Variants in ZDHHC21 observed in about 807,000 individuals in gnomAD.
The protein encoded by ZDHHC21 is palmitoyltransferase ZDHHC21.
Under a neutral mutation model 34.6 loss-of-function variants are expected in ZDHHC21, and 15 were observed. The ratio of observed to expected loss-of-function variants is 0.43; its 90% CI spans 0.29 to 0.67. ZDHHC21 has a LOEUF of 0.67. Ranked by LOEUF, ZDHHC21 falls within the 30% of genes least tolerant of loss-of-function variation. The probability of loss-of-function intolerance (pLI) is 0.14; values close to 1 mark genes in which losing one functional copy is unlikely to be tolerated. For synonymous variants in ZDHHC21, 142 were observed against 101.8 expected (o/e 1.40, Z -2.38); for missense variants, 344 against 327.7 (o/e 1.05, Z -0.38).
intron 5 of ZDHHC21, among the ~76,000 whole-genome samples, chr9:14,664,167 C>T (rs1833935374): frequency 6.6e-6 from 1 of 151,742 alleles, no homozygotes; most frequent in South Asian, 2.1e-4. Flanking sequence ...GTGCGCGAGC[C>T]GAAGCAGGGC....
At chr9:14,644,035 C>T (rs1453501834) in intron 7 of ZDHHC21, among the ~76,000 whole-genome samples, 1 of 152,198 alleles carries the variant, frequency 6.6e-6, no homozygotes. Flanking sequence ...ACAACACATA[C>T]TCATGCATAC....
intron 8 of ZDHHC21, among the ~76,000 whole-genome samples, chr9:14,633,503 A>T (rs1380598581): frequency 1.1e-4 from 17 of 152,154 alleles, no homozygotes; most frequent in Admixed American, 1.0e-3. Context: ...GGTCCCGCAC[A>T]GCCTTTGAGC....
intron 7 of ZDHHC21, among the ~76,000 whole-genome samples, chr9:14,650,495 C>A (rs13284901): frequency 0.42 from 62,977 of 151,562 alleles, 13,253 homozygotes; most frequent in African/African-American, 0.45. Flanking sequence ...AAATAAATGA[C>A]CTTCTAGATA....
At chr9:14,595,753 T>C in the ZDHHC21 span, among the ~76,000 whole-genome samples, 1 of 152,148 alleles carries the variant, frequency 6.6e-6, no homozygotes, top group African/African-American at 2.4e-5. Context: ...ACATCTCCAT[T>C]GGCTGCAAAT....
the ZDHHC21 span, among the ~76,000 whole-genome samples, chr9:14,605,824 T>C: frequency 3.3e-5 from 5 of 152,208 alleles, no homozygotes; most frequent in Non-Finnish European, 5.9e-5. Flanking sequence ...TTATGTGTTG[T>C]TAATATTTTG....
rs576185880 is a variant in ZDHHC21, at chr9:14,692,544, C to T, written c.-225+685G>A. 2.6e-3 allele frequency among the ~76,000 whole-genome samples: 394 copies of T among 152,224 alleles called. 3 individuals carry two copies. The highest frequency in any genetic ancestry group is 9.2e-3 in the African/African-American group (382 of 41,550). ...AGCCCTGGTGATACAGACATCCACCCTGACTCTCAAGGGATCTTAAAATGT... is the reference window on the plus strand; with the variant it reads ...AGCCCTGGTGATACAGACATCCACCTTGACTCTCAAGGGATCTTAAAATGT... On this transcript the variant is annotated intron_variant, in intron 1 of 9. Coordinates refer to ENST00000380916, the MANE Select transcript of ZDHHC21 (RefSeq NM_178566.6).
chr9:14,647,566 G>A (rs555521238), intron 7 of ZDHHC21, among the ~76,000 whole-genome samples: 11 of 152,092 alleles, frequency 7.2e-5, no homozygotes, highest in African/African-American at 1.4e-4. Flanking sequence ...CAACCCCGAC[G>A]GGAGCTCCAA....
At chr9:14,685,566 G>A (rs541709844) in intron 2 of ZDHHC21, among the ~76,000 whole-genome samples, 24 of 152,214 alleles carry the variant, frequency 1.6e-4, no homozygotes, top group Admixed American at 3.9e-4. Flanking sequence ...AGGTGCTGGA[G>A]AGGATATGAA....
At position 14,680,091 on chromosome 9, in the gene ZDHHC21, T is replaced by G. The variant is rs1837106453; in HGVS notation, c.-104A>C. 6.6e-6 allele frequency: 1 copy of G among 152,588 alleles called. No individual in the cohort carries two copies. Among genetic ancestry groups the G allele is most frequent in the Non-Finnish European group, 1.5e-5 (1 of 67,986 alleles). 9.5% of individuals were successfully genotyped at this position (152,588 alleles called of 1,614,324 possible). ...TTCTGGAATCTGCATTTAGAGATTT[T>G]CTTTTGATTCATTTTTTTTAATTAT... On this transcript the variant is annotated 5_prime_UTR_variant, in exon 3 of 10. Transcript: ENST00000380916.
rs767562559 is a variant in ZDHHC21 at position 14,662,247 on chromosome 9, G to T, written c.333C>A (p.His111Gln). Residue 111 changes from histidine (H) to glutamine (Q), a missense_variant, in exon 6 of 10, where the codon CAC (histidine) becomes CAA (glutamine). Transcript: ENST00000380916. ...KRSHHCSRCG[H>Q]CVRRMDHHCP... ...AGTGATGATCCATTCTCCTCACACA[G>T]TGGCCGCAGCGGCTACAGTGATGGG... 6.2e-7 allele frequency: 1 copy of T among 1,612,792 alleles called. No homozygotes were observed. Among genetic ancestry groups the T allele is most frequent in the Non-Finnish European group, 8.5e-7 (1 of 1,179,504 alleles).
At chr9:14,595,518 G>T in the ZDHHC21 span, among the ~76,000 whole-genome samples, 1 of 152,234 alleles carries the variant, frequency 6.6e-6, no homozygotes, top group Non-Finnish European at 1.5e-5. Flanking sequence ...TAAGGTGATG[G>T]AAATGTTCTA....
chr9:14,603,288 A>G, the ZDHHC21 span, among the ~76,000 whole-genome samples: 1 of 152,168 alleles, frequency 6.6e-6, no homozygotes, highest in Non-Finnish European at 1.5e-5. Context: ...GGAAATAAAA[A>G]CATAAATTCT....
intron 2 of ZDHHC21, among the ~76,000 whole-genome samples, chr9:14,681,848 G>C (rs566227814): frequency 6.6e-6 from 1 of 152,100 alleles, no homozygotes; most frequent in African/African-American, 2.4e-5. Context: ...TCTCTTGGCA[G>C]AAACTCTACA....
intron 8 of ZDHHC21, among the ~76,000 whole-genome samples, chr9:14,631,225 A>G (rs555198713): frequency 6.6e-6 from 1 of 152,226 alleles, no homozygotes; most frequent in Admixed American, 6.5e-5. Context: ...CAACTTCTAC[A>G]TCAGCACTTG....
At position 14,651,144 on chromosome 9, in the gene ZDHHC21, G is replaced by A. The variant is rs369889431; in HGVS notation, c.504+7605C>T. Among the ~76,000 whole-genome samples the A allele has an allele frequency of 8.6e-5, 13 of 151,758 alleles. No homozygotes were observed. The East Asian group carries it at 2.3e-3, about 27-fold the overall frequency. ...CTTTGCCTGCAGCTGATTTCCAGCA[G>A]GAACATATTTAAAAAAATATTTTTA... On this transcript the variant is annotated intron_variant, in intron 7 of 9. Coordinates refer to ENST00000380916, the MANE Select transcript of ZDHHC21 (RefSeq NM_178566.6).
rs10961671 is a variant in ZDHHC21, at chr9:14,687,652, G to C, written c.-176+2685C>G. Among the ~76,000 whole-genome samples, 930 of 151,002 alleles carry C rather than the reference G, an allele frequency of 6.2e-3. 13 individuals are homozygous for C. Among genetic ancestry groups the C allele is most frequent in the Non-Finnish European group, 9.3e-3 (634 of 68,026 alleles). On this transcript the variant is annotated intron_variant, in intron 2 of 9. Coordinates refer to ENST00000380916, the MANE Select transcript of ZDHHC21 (RefSeq NM_178566.6). ...GAAATCATCGTGCCACTGCATTCCA[G>C]TCTGGGTGCCAGAGTAAGGCCCTGT...
intron 7 of ZDHHC21, among the ~76,000 whole-genome samples, 165 bp downstream of exon 7, chr9:14,658,584 G>T (rs192151225): frequency 7.4e-6 from 1 of 135,000 alleles, no homozygotes; most frequent in Non-Finnish European, 1.5e-5. Flanking sequence ...CCATTCTCCT[G>T]CCTCAGCCTC....
At chr9:14,637,741 A>G (rs1229650181) in intron 8 of ZDHHC21, among the ~76,000 whole-genome samples, 1 of 151,942 alleles carries the variant, frequency 6.6e-6, no homozygotes, top group Non-Finnish European at 1.5e-5. Context: ...CTATACACCA[A>G]TAATGAACTG....
chr9:14,640,307 G>GAA lies in ZDHHC21; in HGVS notation c.505-296_505-295insTT, dbSNP rs371542807. On this transcript the variant is annotated intron_variant, in intron 7 of 9. Transcript: ENST00000380916. ...TGTTTGTTTTTTGAACCTATTTTGG[G>GAA]GAAAAAAAAAAAAAAAAAGAAAGAA... 1.5e-3 allele frequency among the ~76,000 whole-genome samples: 184 copies of GAA among 125,586 alleles called. 6 individuals carry two copies. Among genetic ancestry groups the GAA allele is most frequent in the Middle Eastern group, 4.4e-3 (1 of 226 alleles). 82.4% of individuals were successfully genotyped at this position (125,586 alleles called of 152,430 possible). A position where few individuals can be genotyped will look rare whatever the true frequency, so the allele number is the denominator to read the frequency against.
Sources: gnomAD v4.1 joint callset for allele counts (sites outside exome capture counted in the v4.1 genomes callset) on GRCh38, gnomAD v4.1.1 for gene constraint, MANE v1.5 for transcripts, NCBI Gene and HGNC (gene_info 2026-07-23, HGNC 2026-07-21) for gene names.